EPN1: variants seen among roughly 807,000 people sequenced by gnomAD.
EPN1 encodes the protein epsin-1.
EPN1 carries 25 observed loss-of-function variants against 56.9 expected under a neutral mutation model. That is an observed-to-expected ratio of 0.44 (90% CI 0.32 to 0.61). The LOEUF is 0.61. EPN1 is among the 20% of genes least tolerant of loss of function. The probability of loss-of-function intolerance (pLI) is 0.05; values close to 1 mark genes in which losing one functional copy is unlikely to be tolerated. For missense variants in EPN1, 785 were observed against 823.7 expected (o/e 0.95, Z 0.58); for synonymous variants, 411 against 361.8 (o/e 1.14, Z -1.54).
intron 1 of EPN1, chr19:55,677,178 G>A (rs973147696): frequency 6.4e-6 from 10 of 1,551,014 alleles, no homozygotes; most frequent in Admixed American, 2.0e-5. Flanking sequence ...ATAGATGGGT[G>A]ATCAGAGCTG....
chr19:55,708,476 A>C lies in EPN1; in HGVS notation c.*13120A>C, dbSNP rs776731006. The C allele has an allele frequency of 1.3e-5, 2 of 153,090 alleles. No individual in the cohort carries two copies. Among genetic ancestry groups the C allele is most frequent in the Non-Finnish European group, 2.9e-5 (2 of 68,666 alleles). 9.5% of individuals were successfully genotyped at this position (153,090 alleles called of 1,614,324 possible). Reference sequence around the variant, plus strand: ...TTTTATTGGACAAGAAAATTGATCAAATCGAAATCTGGACAAACTAGAAAG... The same window carrying C: ...TTTTATTGGACAAGAAAATTGATCACATCGAAATCTGGACAAACTAGAAAG... On this transcript the variant is annotated 3_prime_UTR_variant, in exon 11 of 11. Coordinates refer to ENST00000270460, the MANE Select transcript of EPN1 (RefSeq NM_001130072.2).
Position 55,689,205 on chromosome 19 carries a change from C to G in EPN1, c.604-92C>G. ...CTCACTGGTTCAGGGACCCCCAGCC[C>G]TCTCTTTCTTCGGCTCTATCTGACC... On this transcript the variant is annotated intron_variant, in intron 4 of 10. Transcript: ENST00000270460. This position sits in a 1 kb window ranked among gnomAD's most constrained non-coding sequence, Gnocchi z 5.7. The G allele has an allele frequency of 8.5e-7, 1 of 1,180,636 alleles. No homozygotes were observed. Among genetic ancestry groups the G allele is most frequent in the Non-Finnish European group, 1.2e-6 (1 of 821,796 alleles). 73.1% of individuals were successfully genotyped at this position (1,180,636 alleles called of 1,614,324 possible).
At position 55,691,648 on chromosome 19, in the gene EPN1, G is replaced by C. The variant is rs572962877; in HGVS notation, c.763-106G>C. On this transcript the variant is annotated intron_variant, in intron 6 of 10. Coordinates refer to ENST00000270460, the MANE Select transcript of EPN1 (RefSeq NM_001130072.2). The surrounding 1 kb of genome is among the most constrained non-coding windows in gnomAD (Gnocchi z 5.6). The stretch of plus-strand genomic sequence containing the variant: ...CACCCCTTATGGATGGCTGCTGTCT[G>C]GACACCCAGGGCCTGGCCGCCTCCC... The C allele has an allele frequency of 1.1e-6, 1 of 941,546 alleles. No individual in the cohort carries two copies. Among genetic ancestry groups the C allele is most frequent in the African/African-American group, 1.7e-5 (1 of 60,294 alleles). The allele number at this position is 941,546 out of a possible 1,614,324, so 58.3% of individuals were successfully genotyped here.
rs1177675569 is a variant in EPN1 at position 55,700,040 on chromosome 19, C to A, written c.*4684C>A. Reference sequence around the variant, plus strand: ...TGTTCACGCCATTCTCCTGCCTCAGCCTCCCAAGTAGCTGGGACTACAGAT... The same window carrying A: ...TGTTCACGCCATTCTCCTGCCTCAGACTCCCAAGTAGCTGGGACTACAGAT... On this transcript the variant is annotated 3_prime_UTR_variant, in exon 11 of 11. Coordinates refer to ENST00000270460, the MANE Select transcript of EPN1 (RefSeq NM_001130072.2). 6.6e-6 allele frequency: 1 copy of A among 150,476 alleles called. No individual in the cohort carries two copies. The highest frequency in any genetic ancestry group is 6.6e-5 in the Admixed American group (1 of 15,044). The allele number at this position is 150,476 out of a possible 1,614,324, so 9.3% of individuals were successfully genotyped here. A position where few individuals can be genotyped will look rare whatever the true frequency, so the allele number is the denominator to read the frequency against.
Position 55,689,332 on chromosome 19 carries a change from C to G in EPN1, c.639C>G (p.Leu213=). 1 of 1,551,882 alleles carries G rather than the reference C, an allele frequency of 6.4e-7. No homozygotes were observed. Among genetic ancestry groups the G allele is most frequent in the Non-Finnish European group, 8.7e-7 (1 of 1,147,000 alleles). Residue 213 remains leucine, a synonymous_variant, in exon 5 of 11, where the codon CTC becomes CTG. Transcript: ENST00000270460. The surrounding 1 kb of genome is among the most constrained non-coding windows in gnomAD (Gnocchi z 5.7). The part of the protein sequence containing the change: ...PSCGPEDDAQ[L]QLALSLSREE... Reference sequence around the variant, plus strand: ...GCGGCCCCGAGGACGACGCCCAGCTCCAGCTGGCCCTTAGTTTGAGCCGAG... The same window carrying G: ...GCGGCCCCGAGGACGACGCCCAGCTGCAGCTGGCCCTTAGTTTGAGCCGAG...
At chr19:55,686,703 A>T (rs1243827881) in intron 3 of EPN1, among the ~76,000 whole-genome samples, 1 of 151,826 alleles carries the variant, frequency 6.6e-6, no homozygotes, top group South Asian at 2.1e-4. Flanking sequence ...GCAGAGAGAG[A>T]GTGAAGTGGA....
chr19:55,686,988 C>T (rs1986214564), intron 3 of EPN1, among the ~76,000 whole-genome samples: 1 of 152,080 alleles, frequency 6.6e-6, no homozygotes, highest in South Asian at 2.1e-4. Context: ...GCCTTCCCAT[C>T]CTAGCTGCCT....
chr19:55,693,925 G>C (rs60873246), intron 9 of EPN1, among the ~76,000 whole-genome samples: 2 of 151,984 alleles, frequency 1.3e-5, no homozygotes, highest in Non-Finnish European at 2.9e-5. Context: ...CTATTTAAAA[G>C]GAAAATCAGG....
rs928284695 is a variant in EPN1 at position 55,684,931 on chromosome 19, A to G, written c.229-465A>G. Among the ~76,000 whole-genome samples, 5 of 152,266 alleles carry G rather than the reference A, an allele frequency of 3.3e-5. No homozygotes were observed. In the East Asian group the frequency reaches 9.7e-4, roughly 29 times the overall value. On this transcript the variant is annotated intron_variant, in intron 2 of 10. Coordinates refer to ENST00000270460, the MANE Select transcript of EPN1 (RefSeq NM_001130072.2). ...TCCTACACTGTGCAGCCCCCTTCAT[A>G]TCGCACAGTTCAGTGGCCTTCGGCC...
chr19:55,677,085 C>T lies in EPN1; in HGVS notation c.-101-1442C>T, dbSNP rs552656142. 174 of 1,534,290 alleles carry T rather than the reference C, an allele frequency of 1.1e-4. 1 individual carries two copies. The Admixed American group carries it at 3.0e-3, about 27-fold the overall frequency. On this transcript the variant is annotated intron_variant, in intron 1 of 10. Coordinates refer to ENST00000270460, the MANE Select transcript of EPN1 (RefSeq NM_001130072.2). ...GGCCTGAGGTGGAAGCAGAGGCCAGCCTCTCTCCGTCATCCCTATCTCCCC... is the reference window on the plus strand; with the variant it reads ...GGCCTGAGGTGGAAGCAGAGGCCAGTCTCTCTCCGTCATCCCTATCTCCCC...
chr19:55,685,416 C>T lies in EPN1; in HGVS notation c.249C>T (p.Tyr83=), dbSNP rs780346898. The T allele has an allele frequency of 1.9e-6, 3 of 1,611,286 alleles. No homozygotes were observed. Among genetic ancestry groups the T allele is most frequent in the Non-Finnish European group, 2.5e-6 (3 of 1,179,064 alleles). Residue 83 remains tyrosine, a synonymous_variant, in exon 3 of 11, where the codon TAC becomes TAT. Transcript: ENST00000270460. ...CGCAGGCCATGACGCTGATGGAGTACCTCATCAAGACCGGCTCGGAGCGCG... is the reference window on the plus strand; with the variant it reads ...CGCAGGCCATGACGCTGATGGAGTATCTCATCAAGACCGGCTCGGAGCGCG... ...HVYKAMTLME[Y]LIKTGSERVS...
intron 1 of EPN1, chr19:55,677,051 T>A: frequency 6.7e-7 from 1 of 1,491,438 alleles, no homozygotes. Context: ...TTCAGGTGCC[T>A]GGCTTTCTGG....
chr19:55,689,583 G>A lies in EPN1; in HGVS notation c.678+212G>A, dbSNP rs1026819726. ...CAGCACAGCTGTGCCAAGGTTGCTC[G>A]GGTGACCAGGGTCCCTTCCTCCCCC... is the stretch of plus-strand genomic sequence containing the variant. On this transcript the variant is annotated intron_variant, in intron 5 of 10. Transcript: ENST00000270460. This position sits in a 1 kb window ranked among gnomAD's most constrained non-coding sequence, Gnocchi z 5.7. Among the ~76,000 whole-genome samples, 5 of 152,114 alleles carry A rather than the reference G, an allele frequency of 3.3e-5. No homozygotes were observed. Among genetic ancestry groups the A allele is most frequent in the African/African-American group, 1.2e-4 (5 of 41,412 alleles).
rs1324332869 is a variant in EPN1, at chr19:55,695,336, A to G, written c.1711A>G (p.Thr571Ala). The stretch of plus-strand genomic sequence containing the variant: ...GCCCCCGGGCCCCCCGGCCCCCAAC[A>G]CTAATCCCTTCCTCCTATAATCCAG... ...MMPPGPPAPN[T>A]NPFLL The change falls in exon 11 of 11, where the codon ACT (threonine) becomes GCT (alanine). Residue 571 changes from threonine to alanine, a missense_variant. Physicochemically the swap from Thr to Ala is moderately conservative, Grantham distance 58 (BLOSUM62 0). Around this residue, in one of 2 missense-constraint regions of EPN1, gnomAD observed 650 missense variants for 605.0 expected, o/e 1.07. Coordinates refer to ENST00000270460, the MANE Select transcript of EPN1 (RefSeq NM_001130072.2). The surrounding 1 kb of genome is among the most constrained non-coding windows in gnomAD (Gnocchi z 4.4). 7 of 1,505,920 alleles carry G rather than the reference A, an allele frequency of 4.6e-6. No individual in the cohort carries two copies. In the Admixed American group the frequency reaches 5.9e-5, roughly 13 times the overall value. 93.3% of individuals were successfully genotyped at this position (1,505,920 alleles called of 1,614,324 possible).
Position 55,678,511 on chromosome 19 carries a change from C to G in EPN1, c.-101-16C>G. Reference sequence around the variant, plus strand: ...ATGTCCCATTTGTGTTTCCAGAGGTCCTCTTCCCCTCGCAGATGCGGTGAC... The same window carrying G: ...ATGTCCCATTTGTGTTTCCAGAGGTGCTCTTCCCCTCGCAGATGCGGTGAC... On this transcript the variant is annotated splice_polypyrimidine_tract_variant and intron_variant, in intron 1 of 10. Transcript: ENST00000270460. 6.5e-7 allele frequency: 1 copy of G among 1,533,002 alleles called. No individual in the cohort carries two copies. The highest frequency in any genetic ancestry group is 8.8e-7 in the Non-Finnish European group (1 of 1,142,688). The allele number at this position is 1,533,002 out of a possible 1,614,324, so 95.0% of individuals were successfully genotyped here.
Position 55,688,793 on chromosome 19 carries a change from C to T in EPN1, c.479-77C>T, listed in dbSNP as rs1986334725. 3.2e-6 allele frequency: 5 copies of T among 1,540,170 alleles called. No homozygotes were observed. In the Admixed American group the frequency reaches 5.9e-5, roughly 18 times the overall value. ...GGGGTGGGGTTGGACACAGAAGCCC[C>T]CGTCTGTCTAGGCTATGGGGTTTCC... is the stretch of plus-strand genomic sequence containing the variant. On this transcript the variant is annotated intron_variant, in intron 3 of 10. Transcript: ENST00000270460.
intron 3 of EPN1, among the ~76,000 whole-genome samples, chr19:55,687,857 T>TGGG (rs1986270205): frequency 6.6e-6 from 1 of 152,078 alleles, no homozygotes; most frequent in Non-Finnish European, 1.5e-5. Context: ...GGGGCCAGCC[T>TGGG]GGGGGCCCCT....
Position 55,704,991 on chromosome 19 carries a change from T to TGCACGTGGGAG in EPN1, c.*9640_*9650dup, listed in dbSNP as rs535304216. On this transcript the variant is annotated 3_prime_UTR_variant, in exon 11 of 11. Transcript: ENST00000270460. ...CTCTGGCTGAATGCTGTTCTACACA[T>TGCACGTGGGAG]GCACGTGGGAGGCACCAGGGAGCCC... 57 of 152,390 alleles carry TGCACGTGGGAG rather than the reference T, an allele frequency of 3.7e-4. No individual in the cohort carries two copies. In the East Asian group the frequency reaches 0.01, roughly 27 times the overall value. The allele number at this position is 152,390 out of a possible 1,614,324, so 9.4% of individuals were successfully genotyped here.
intron 1 of EPN1, chr19:55,677,161 G>C (rs1985492097): frequency 6.4e-7 from 1 of 1,551,302 alleles, no homozygotes; most frequent in Non-Finnish European, 8.7e-7. Context: ...TGGCTTCTTG[G>C]AGCCGCATAG....
Sources: gnomAD v4.1 joint callset for allele counts (sites outside exome capture counted in the v4.1 genomes callset) on GRCh38, gnomAD v4.1.1 for gene constraint, gnomAD v4.1.1 regional missense constraint, Gnocchi (gnomAD v3.1) non-coding constraint, MANE v1.5 for transcripts, NCBI Gene and HGNC (gene_info 2026-07-23, HGNC 2026-07-21) for gene names.